The following FAM13A variants were observed in gnomAD, a reference collection of about 807,000 sequenced individuals.
The protein encoded by FAM13A is family with sequence similarity 13 member A, also known as protein FAM13A.
A neutral mutation model predicts 129.6 loss-of-function variants in FAM13A; 76 were observed. The observed-to-expected ratio is 0.59, with a 90% CI of 0.49 to 0.71. The LOEUF (loss-of-function observed/expected upper bound fraction) is 0.71. FAM13A is among the 30% of genes least tolerant of loss of function. The pLI is 0.00. For synonymous variants in FAM13A, 443 were observed against 449.9 expected (o/e 0.98, Z 0.20); for missense variants, 1,108 against 1,249.3 (o/e 0.89, Z 1.70).
At chr4:89,052,656 TG>T (rs1167819154) in intron 1 of FAM13A, among the ~76,000 whole-genome samples, 1 of 152,112 alleles carries the variant, frequency 6.6e-6, no homozygotes, top group Non-Finnish European at 1.5e-5. Flanking sequence ...TCTGTTGACA[TG>T]GCTGATACAT....
intron 3 of FAM13A, among the ~76,000 whole-genome samples, chr4:89,006,556 C>A (rs1234166995): frequency 6.6e-6 from 1 of 152,128 alleles, no homozygotes; most frequent in African/African-American, 2.4e-5. Flanking sequence ...GGCTCCACCC[C>A]CAAGGTAGCG....
chr4:88,780,872 T>C (rs141850133), intron 11 of FAM13A, among the ~76,000 whole-genome samples: 2 of 151,896 alleles, frequency 1.3e-5, no homozygotes, highest in Non-Finnish European at 2.9e-5. Flanking sequence ...AAATGCTTTA[T>C]GGGCAATTTT....
At chr4:88,732,844 C>T (rs1015991404) in intron 21 of FAM13A, among the ~76,000 whole-genome samples, 1 of 150,586 alleles carries the variant, frequency 6.6e-6, no homozygotes, top group Non-Finnish European at 1.5e-5. Context: ...TTTTGGCATA[C>T]AAGATTCTAA....
intron 10 of FAM13A, among the ~76,000 whole-genome samples, chr4:88,785,178 A>C (rs961441930): frequency 1.3e-5 from 2 of 152,132 alleles, no homozygotes; most frequent in African/African-American, 4.8e-5. Flanking sequence ...TGCATCTCTA[A>C]GTTACTAGAG....
intron 1 of FAM13A, among the ~76,000 whole-genome samples, chr4:89,054,449 A>C (rs1326268878): frequency 1.3e-5 from 2 of 152,156 alleles, no homozygotes; most frequent in African/African-American, 4.8e-5. Flanking sequence ...TCAAAAAGCT[A>C]TACCCCAAAA....
chr4:88,824,859 C>T (rs1400485053), intron 7 of FAM13A, among the ~76,000 whole-genome samples: 5 of 152,054 alleles, frequency 3.3e-5, no homozygotes, highest in African/African-American at 4.8e-5. Context: ...AGGCGCCCGC[C>T]ACCATGACTG....
chr4:88,937,740 C>G, intron 5 of FAM13A: 1 of 287,790 alleles, frequency 3.5e-6, no homozygotes, highest in Admixed American at 5.0e-5. Context: ...TAGTTAGTAA[C>G]CTAGCACTCC....
At position 89,020,481 on chromosome 4, in the gene FAM13A, G is replaced by C; in HGVS notation, c.406C>G (p.Arg136Gly). The change falls in exon 3 of 24, where the codon CGA becomes GGA. Residue 136 changes from arginine (R) to glycine (G), a missense_variant. Arg to Gly is a moderately radical substitution (Grantham distance 125, BLOSUM62 -2). Around this residue, in one of 3 missense-constraint regions of FAM13A, gnomAD observed 566 missense variants for 595.7 expected, o/e 0.95. Coordinates refer to ENST00000264344, the MANE Select transcript of FAM13A (RefSeq NM_014883.4). ...DSLITSALQP[R>G]FIQLFQDGRN... ...TAACCCTGAAAGAGTTGAATGAATC[G>C]AGGCTGCAACGCTGAGGTGATCAGA... The C allele has an allele frequency of 1.2e-6, 2 of 1,613,632 alleles. No homozygotes were observed. The highest frequency in any genetic ancestry group is 1.7e-6 in the Non-Finnish European group (2 of 1,179,730).
At chr4:88,999,124 T>C (rs1486042623) in intron 3 of FAM13A, among the ~76,000 whole-genome samples, 3 of 152,142 alleles carry the variant, frequency 2.0e-5, no homozygotes, top group Non-Finnish European at 4.4e-5. Flanking sequence ...AACCTGTATG[T>C]CCAAGAGCAA....
rs541159707 is a variant in FAM13A, at chr4:88,988,166, G to A, written c.605+2807C>T. On this transcript the variant is annotated intron_variant, in intron 4 of 23. Coordinates refer to ENST00000264344, the MANE Select transcript of FAM13A (RefSeq NM_014883.4). ...AAATTAAATTAAATTTTTTTCAAAA[G>A]TCAATGTGGTTGAAAAAAAAAGTTG... 5.3e-5 allele frequency among the ~76,000 whole-genome samples: 8 copies of A among 151,930 alleles called. No individual in the cohort carries two copies. The East Asian group carries it at 1.5e-3, about 29-fold the overall frequency.
chr4:88,941,183 C>T lies in FAM13A; in HGVS notation c.606-2942G>A, dbSNP rs995654521. On this transcript the variant is annotated intron_variant, in intron 4 of 23. Coordinates refer to ENST00000264344, the MANE Select transcript of FAM13A (RefSeq NM_014883.4). The stretch of plus-strand genomic sequence containing the variant: ...TCACCCATGCTAAAATTCCACATCA[C>T]CAAATCAAAACTAAGTTGTTATCTG... Among the ~76,000 whole-genome samples, 8 of 152,136 alleles carry T rather than the reference C, an allele frequency of 5.3e-5. No homozygotes were observed. The South Asian group carries it at 1.4e-3, about 28-fold the overall frequency.
chr4:88,923,472 T>G, intron 5 of FAM13A, among the ~76,000 whole-genome samples: 1 of 152,184 alleles, frequency 6.6e-6, no homozygotes, highest in Admixed American at 6.5e-5. Flanking sequence ...TCTCGAAAGA[T>G]GCAGAAAAGG....
intron 7 of FAM13A, among the ~76,000 whole-genome samples, chr4:88,828,747 C>T (rs1733430037): frequency 6.6e-6 from 1 of 152,134 alleles, no homozygotes; most frequent in Non-Finnish European, 1.5e-5. Flanking sequence ...TACTGTAGGG[C>T]TACACATAAG....
intron 2 of FAM13A, among the ~76,000 whole-genome samples, chr4:89,025,606 T>C (rs1377523824): frequency 6.6e-6 from 1 of 152,130 alleles, no homozygotes; most frequent in Non-Finnish European, 1.5e-5. Context: ...AAACAATCCA[T>C]TTGCCCATCA....
At position 88,899,583 on chromosome 4, in the gene FAM13A, G is replaced by T. The variant is rs537925190; in HGVS notation, c.843+6796C>A. On this transcript the variant is annotated intron_variant, in intron 6 of 23. Transcript: ENST00000264344. ...AGTAGGCATTCTATTCAAATGAAAAGATTAAAGATTAGAAAAGTGACAGGC... is the reference window on the plus strand; with the variant it reads ...AGTAGGCATTCTATTCAAATGAAAATATTAAAGATTAGAAAAGTGACAGGC... 2.0e-5 allele frequency among the ~76,000 whole-genome samples: 3 copies of T among 152,154 alleles called. No individual in the cohort carries two copies. The South Asian group carries it at 6.2e-4, about 32-fold the overall frequency.
intron 8 of FAM13A, among the ~76,000 whole-genome samples, chr4:88,803,740 T>G (rs1371404912): frequency 6.6e-6 from 1 of 152,104 alleles, no homozygotes; most frequent in Non-Finnish European, 1.5e-5. Flanking sequence ...ATGTTCCCTC[T>G]CTTGCCATAA....
At chr4:88,910,861 G>A (rs1748995952) in intron 5 of FAM13A, among the ~76,000 whole-genome samples, 1 of 152,016 alleles carries the variant, frequency 6.6e-6, no homozygotes, top group African/African-American at 2.4e-5. Flanking sequence ...CGTTGGCCAG[G>A]ATGGTCTCAA....
At chr4:88,909,777 A>ACG in intron 5 of FAM13A, among the ~76,000 whole-genome samples, 1 of 152,182 alleles carries the variant, frequency 6.6e-6, no homozygotes, top group East Asian at 1.9e-4. Flanking sequence ...GAGCCACCGT[A>ACG]CCCAGCTGAG....
In FAM13A at chr4:88,825,373, G is replaced by GC. The variant is rs563356763; in HGVS notation, c.1008-20322dup. On this transcript the variant is annotated intron_variant, in intron 7 of 23. Transcript: ENST00000264344. ...TGGGATTACAGGTGCTCGCCACCAT[G>GC]CCCCCCCTAATTTTTGTATTTTTAG... Among the ~76,000 whole-genome samples the GC allele has an allele frequency of 2.0e-5, 3 of 151,478 alleles. No homozygotes were observed. The South Asian group carries it at 6.3e-4, about 32-fold the overall frequency.
Sources: gnomAD v4.1 joint callset for allele counts (sites outside exome capture counted in the v4.1 genomes callset) on GRCh38, gnomAD v4.1.1 for gene constraint, gnomAD v4.1.1 regional missense constraint, MANE v1.5 for transcripts, NCBI Gene and HGNC (gene_info 2026-07-23, HGNC 2026-07-21) for gene names.